The following CEP20 variants were observed in gnomAD, a reference collection of about 807,000 sequenced individuals.
CEP20 encodes the protein FGFR1OP N-terminal like.
CEP20 carries 18 observed loss-of-function variants against 20.0 expected under a neutral mutation model. That is an observed-to-expected ratio of 0.90 (90% CI 0.62 to 1.34). The LOEUF (loss-of-function observed/expected upper bound fraction) is 1.34, where lower values mean the gene tolerates loss of function less well. CEP20 is among the 40% of genes most tolerant of loss of function. The pLI is 0.00. For synonymous variants in CEP20, 77 were observed against 73.7 expected (o/e 1.04, Z -0.23); for missense variants, 215 against 201.6 (o/e 1.07, Z -0.40).
intron 2 of CEP20, among the ~76,000 whole-genome samples, chr16:15,880,095 T>C (rs539134670): frequency 2.6e-5 from 4 of 152,356 alleles, no homozygotes; most frequent in African/African-American, 7.2e-5. Context: ...CAGTTTAACA[T>C]AAATTCACTT....
chr16:15,872,385 T>C (rs1461941186), intron 4 of CEP20, among the ~76,000 whole-genome samples: 1 of 151,558 alleles, frequency 6.6e-6, no homozygotes, highest in African/African-American at 2.4e-5. Context: ...TCAATTCAAA[T>C]GGTGAAAATG....
At chr16:15,869,609 G>C (rs1370267923) in intron 4 of CEP20, among the ~76,000 whole-genome samples, 1 of 152,022 alleles carries the variant, frequency 6.6e-6, no homozygotes, top group Non-Finnish European at 1.5e-5. Context: ...CCGTGGCCTG[G>C]CCTGAACTTA....
At chr16:15,872,042 C>A (rs573471331) in intron 4 of CEP20, among the ~76,000 whole-genome samples, 24 of 152,256 alleles carry the variant, frequency 1.6e-4, no homozygotes, top group African/African-American at 5.8e-4. Flanking sequence ...TGGTTGGGCG[C>A]GGTGGCTCAA....
chr16:15,876,141 T>C (rs923814842), intron 3 of CEP20, among the ~76,000 whole-genome samples: 14 of 150,848 alleles, frequency 9.3e-5, no homozygotes, highest in African/African-American at 3.4e-4. Flanking sequence ...GGCACATACA[T>C]GTAGTATTTG....
Position 15,866,554 on chromosome 16 carries a change from T to C in CEP20, c.*886A>G, listed in dbSNP as rs369665117. On this transcript the variant is annotated 3_prime_UTR_variant, in exon 5 of 5. Coordinates refer to ENST00000255759, the MANE Select transcript of CEP20 (RefSeq NM_144600.4). Reference sequence around the variant, plus strand: ...TATTTTTCTATCCCAAGAATAAAAATTGATGTTTGGTAAGAGTTTCGGAGC... The same window carrying C: ...TATTTTTCTATCCCAAGAATAAAAACTGATGTTTGGTAAGAGTTTCGGAGC... 14 of 152,194 alleles carry C rather than the reference T, an allele frequency of 9.2e-5. No homozygotes were observed. The highest frequency in any genetic ancestry group is 3.4e-4 in the African/African-American group (14 of 41,450). 9.4% of individuals were successfully genotyped at this position (152,194 alleles called of 1,614,324 possible). A position where few individuals can be genotyped will look rare whatever the true frequency, so the allele number is the denominator to read the frequency against.
chr16:15,874,211 T>C (rs2044889601), intron 3 of CEP20, among the ~76,000 whole-genome samples: 1 of 152,202 alleles, frequency 6.6e-6, no homozygotes, highest in African/African-American at 2.4e-5. Context: ...ATGTCAAGTG[T>C]TTTTTACTGT....
chr16:15,887,272 T>C (rs893868296), intron 1 of CEP20, among the ~76,000 whole-genome samples: 2 of 146,538 alleles, frequency 1.4e-5, no homozygotes, highest in East Asian at 4.1e-4. Flanking sequence ...ACAGCATCTG[T>C]AGACTCGTGA....
At chr16:15,888,445 T>A (rs1290170386) in intron 1 of CEP20, 113 bp downstream of exon 1, 1 of 1,393,968 alleles carries the variant, frequency 7.2e-7, no homozygotes, top group African/African-American at 1.4e-5. Context: ...CACCGAAGAA[T>A]GACGCCTGTA....
chr16:15,869,290 T>G (rs994298487), intron 4 of CEP20, among the ~76,000 whole-genome samples: 2 of 133,990 alleles, frequency 1.5e-5, no homozygotes, highest in African/African-American at 2.9e-5. Context: ...TGGCATGCTT[T>G]GGACTTACTT....
chr16:15,888,534 G>A (rs1243365900), intron 1 of CEP20, 24 bp downstream of exon 1: 2 of 1,613,986 alleles, frequency 1.2e-6, no homozygotes, highest in Admixed American at 1.7e-5. Flanking sequence ...CTTCCCATGT[G>A]GAGGCCTCCC....
intron 2 of CEP20, among the ~76,000 whole-genome samples, chr16:15,883,663 C>T (rs2045166715): frequency 2.0e-5 from 3 of 152,064 alleles, no homozygotes; most frequent in Non-Finnish European, 4.4e-5. Flanking sequence ...CCTACCCAGC[C>T]TATTTTTTAA....
chr16:15,872,756 T>TATGTATTTTTATGTCTCAAAAAAATAC (rs2044851888), intron 4 of CEP20, among the ~76,000 whole-genome samples: 1 of 133,340 alleles, frequency 7.5e-6, no homozygotes, highest in African/African-American at 2.9e-5. Flanking sequence ...CATAAAAATT[T>TATGTATTTTTATGTCTCAAAAAAATAC]ATGTATTTTT....
At chr16:15,876,486 AAAG>A (rs1005827615) in intron 3 of CEP20, among the ~76,000 whole-genome samples, 5 of 151,946 alleles carry the variant, frequency 3.3e-5, no homozygotes, top group African/African-American at 4.8e-5. Context: ...AAAAAAAAAA[AAAG>A]AACTCTCGCT....
At chr16:15,870,121 G>T (rs1295732048) in intron 4 of CEP20, among the ~76,000 whole-genome samples, 1 of 152,082 alleles carries the variant, frequency 6.6e-6, no homozygotes, top group East Asian at 1.9e-4. Flanking sequence ...GTAATCTACC[G>T]CTTTCATCTC....
At chr16:15,883,931 AT>A (rs1207691604) in intron 2 of CEP20, 76 bp downstream of exon 2, 22 of 1,292,102 alleles carry the variant, frequency 1.7e-5, no homozygotes, top group Non-Finnish European at 2.3e-5. Context: ...AGGGAATTAG[AT>A]TTCTAGGATA....
chr16:15,865,782 C>T lies in CEP20; in HGVS notation c.*1658G>A, dbSNP rs1270072377. 6.6e-6 allele frequency: 1 copy of T among 152,122 alleles called. No individual in the cohort carries two copies. The highest frequency in any genetic ancestry group is 1.9e-4 in the East Asian group (1 of 5,196). 9.4% of individuals were successfully genotyped at this position (152,122 alleles called of 1,614,324 possible). A position where few individuals can be genotyped will look rare whatever the true frequency, so the allele number is the denominator to read the frequency against. On this transcript the variant is annotated 3_prime_UTR_variant, in exon 5 of 5. Transcript: ENST00000255759. ...GTATAAAAAGTTGCCGCAGTACAAACAAATTACAGAATAATGCATATAAAA... is the reference window on the plus strand; with the variant it reads ...GTATAAAAAGTTGCCGCAGTACAAATAAATTACAGAATAATGCATATAAAA...
At position 15,873,524 on chromosome 16, in the gene CEP20, G is replaced by A. The variant is rs749657059; in HGVS notation, c.415C>T (p.Leu139Phe). The change falls in exon 4 of 5, where the codon CTT becomes TTT. Residue 139 changes from leucine (L) to phenylalanine (F), a missense_variant. By Grantham distance (22) the Leu-to-Phe change is conservative (BLOSUM62 0). Coordinates refer to ENST00000255759, the MANE Select transcript of CEP20 (RefSeq NM_144600.4). ...TTTCTTCTACTAGGTTGTCTGCCAA[G>A]ACTTGGGTCTGAAGGCTGAAGTGAA... is the stretch of plus-strand genomic sequence containing the variant. ...GPSLQPSDPS[L>F]GRQPSRRKPM... The A allele has an allele frequency of 1.2e-6, 2 of 1,613,996 alleles. No homozygotes were observed. Among genetic ancestry groups the A allele is most frequent in the Non-Finnish European group, 1.7e-6 (2 of 1,179,934 alleles).
rs989969659 is a variant in CEP20 at position 15,866,737 on chromosome 16, A to G, written c.*703T>C. 1 of 152,220 alleles carries G rather than the reference A, an allele frequency of 6.6e-6. No individual in the cohort carries two copies. Among genetic ancestry groups the G allele is most frequent in the Non-Finnish European group, 1.5e-5 (1 of 68,040 alleles). 9.4% of individuals were successfully genotyped at this position (152,220 alleles called of 1,614,324 possible). ...TTACTTCACATTCTTTATCTAATAA[A>G]ATAAACTCTTTGTTTTATTTACAGC... is the stretch of plus-strand genomic sequence containing the variant. On this transcript the variant is annotated 3_prime_UTR_variant, in exon 5 of 5. Transcript: ENST00000255759.
intron 3 of CEP20, among the ~76,000 whole-genome samples, chr16:15,875,654 C>T (rs996153386): frequency 6.6e-6 from 1 of 152,130 alleles, no homozygotes; most frequent in Non-Finnish European, 1.5e-5. Flanking sequence ...AAGAAAAGTG[C>T]GGCCTCACAA....
Sources: gnomAD v4.1 joint callset for allele counts (sites outside exome capture counted in the v4.1 genomes callset) on GRCh38, gnomAD v4.1.1 for gene constraint, MANE v1.5 for transcripts, NCBI Gene and HGNC (gene_info 2026-07-23, HGNC 2026-07-21) for gene names.